The following GPC5 variants were observed in gnomAD, a reference collection of about 807,000 sequenced individuals.
The protein encoded by GPC5 is glypican-5.
GPC5 carries 47 observed loss-of-function variants against 53.9 expected under a neutral mutation model. That is an observed-to-expected ratio of 0.87 (90% CI 0.69 to 1.11). The LOEUF is 1.11. Among genes scored for constraint, GPC5 ranks in the 50% most tolerant of loss-of-function variants. The pLI, the probability that GPC5 is intolerant of heterozygous loss-of-function variation, is 0.00. For synonymous variants in GPC5, 286 were observed against 263.3 expected (o/e 1.09, Z -0.84); for missense variants, 748 against 713.1 (o/e 1.05, Z -0.56).
chr13:91,831,621 T>C (rs1171898378), intron 5 of GPC5, among the ~76,000 whole-genome samples: 2 of 151,930 alleles, frequency 1.3e-5, no homozygotes, highest in Non-Finnish European at 2.9e-5. Context: ...TTGCTAATTA[T>C]ATAGTGTTGG....
chr13:91,925,890 T>C (rs2139023970), intron 6 of GPC5, among the ~76,000 whole-genome samples: 1 of 152,246 alleles, frequency 6.6e-6, no homozygotes, highest in South Asian at 2.1e-4. Flanking sequence ...AATAAACTGG[T>C]TGAGATTACT....
chr13:92,659,724 T>G (rs143010936), intron 7 of GPC5, among the ~76,000 whole-genome samples: 6 of 152,324 alleles, frequency 3.9e-5, no homozygotes, highest in Non-Finnish European at 8.8e-5. Flanking sequence ...TGAAGCATAC[T>G]CTGATGGAAG....
intron 7 of GPC5, among the ~76,000 whole-genome samples, chr13:92,344,719 A>G (rs991385571): frequency 6.6e-6 from 1 of 152,176 alleles, no homozygotes; most frequent in African/African-American, 2.4e-5. Flanking sequence ...ACCTCCTGCC[A>G]GCACCAGAGG....
At chr13:91,650,758 T>G (rs1195402773) in intron 2 of GPC5, among the ~76,000 whole-genome samples, 2 of 149,344 alleles carry the variant, frequency 1.3e-5, no homozygotes, top group Non-Finnish European at 3.0e-5. Context: ...AAGTTTTTTT[T>G]TTTTTTTTTT....
At chr13:92,844,234 G>A (rs1409145007) in intron 7 of GPC5, among the ~76,000 whole-genome samples, 3 of 152,064 alleles carry the variant, frequency 2.0e-5, no homozygotes, top group Non-Finnish European at 4.4e-5. Context: ...GTAGAAAGGT[G>A]TTGTTTAGCT....
chr13:91,545,626 A>G (rs1316606176), intron 2 of GPC5, among the ~76,000 whole-genome samples: 1 of 152,110 alleles, frequency 6.6e-6, no homozygotes, highest in Non-Finnish European at 1.5e-5. Flanking sequence ...AGGTACAGTG[A>G]TGTACAGTAG....
chr13:92,199,971 T>C (rs189307294), intron 7 of GPC5, among the ~76,000 whole-genome samples: 14 of 152,290 alleles, frequency 9.2e-5, no homozygotes, highest in African/African-American at 2.6e-4. Context: ...ATTACCTGGA[T>C]TTTGTTAGTA....
intron 5 of GPC5, among the ~76,000 whole-genome samples, chr13:91,882,302 A>T (rs976160873): frequency 6.6e-6 from 1 of 152,098 alleles, no homozygotes; most frequent in Non-Finnish European, 1.5e-5. Context: ...ATACTGCTTC[A>T]CATATTCTTG....
intron 2 of GPC5, among the ~76,000 whole-genome samples, chr13:91,557,739 G>A (rs769162306): frequency 2.5e-4 from 38 of 152,004 alleles, no homozygotes; most frequent in Admixed American, 5.3e-4. Context: ...GTTATTAGTC[G>A]TCAGCCCAGT....
intron 7 of GPC5, among the ~76,000 whole-genome samples, chr13:92,150,649 G>A (rs2041900504): frequency 6.6e-6 from 1 of 151,938 alleles, no homozygotes; most frequent in African/African-American, 2.4e-5. Flanking sequence ...GTTTGTCCTT[G>A]AATGCCTAAG....
At chr13:92,408,198 A>C (rs2098352006) in intron 7 of GPC5, among the ~76,000 whole-genome samples, 1 of 152,172 alleles carries the variant, frequency 6.6e-6, no homozygotes, top group African/African-American at 2.4e-5. Context: ...TGCTCCTTAT[A>C]ATAATCTAAT....
intron 7 of GPC5, among the ~76,000 whole-genome samples, chr13:92,217,546 TC>T (rs2042419372): frequency 6.6e-6 from 1 of 152,148 alleles, no homozygotes; most frequent in Non-Finnish European, 1.5e-5. Flanking sequence ...TAGTCCCATC[TC>T]CAATCTGTGG....
At chr13:92,838,915 T>C (rs1273898765) in intron 7 of GPC5, among the ~76,000 whole-genome samples, 1 of 152,218 alleles carries the variant, frequency 6.6e-6, no homozygotes, top group East Asian at 1.9e-4. Context: ...CCATGAAGCT[T>C]ATACTTTAAA....
chr13:91,919,110 T>C (rs1219950877), intron 6 of GPC5, among the ~76,000 whole-genome samples: 3 of 152,202 alleles, frequency 2.0e-5, no homozygotes, highest in Non-Finnish European at 4.4e-5. Flanking sequence ...GCCTATTTCT[T>C]GGGTGTCATC....
At chr13:92,643,194 A>T (rs1286585776) in intron 7 of GPC5, among the ~76,000 whole-genome samples, 1 of 151,972 alleles carries the variant, frequency 6.6e-6, no homozygotes, top group Non-Finnish European at 1.5e-5. Context: ...CTCTGATGGT[A>T]GTTTCTTTTG....
chr13:91,589,753 T>A (rs1023609281), intron 2 of GPC5, among the ~76,000 whole-genome samples: 3 of 152,164 alleles, frequency 2.0e-5, no homozygotes, highest in Non-Finnish European at 4.4e-5. Context: ...GGTGGCCATG[T>A]GGCTAGAAAT....
At chr13:92,549,885 A>ACT (rs1491537361) in intron 7 of GPC5, among the ~76,000 whole-genome samples, 1 of 11,858 alleles carries the variant, frequency 8.4e-5, no homozygotes, top group Non-Finnish European at 2.1e-4. Flanking sequence ...ACACACACAT[A>ACT]CACACACACA....
At chr13:92,269,608 A>G (rs560946695) in intron 7 of GPC5, among the ~76,000 whole-genome samples, 16 of 152,084 alleles carry the variant, frequency 1.1e-4, no homozygotes, top group African/African-American at 3.6e-4. Context: ...GGATTTCACC[A>G]TGTTAGCCAG....
chr13:91,784,213 A>G (rs1027678622), intron 5 of GPC5, among the ~76,000 whole-genome samples: 2 of 152,248 alleles, frequency 1.3e-5, no homozygotes, highest in African/African-American at 4.8e-5. Flanking sequence ...TGTCATGTTC[A>G]TCTATTCAAA....
Sources: allele counts gnomAD v4.1 joint callset (sites outside exome capture counted in the v4.1 genomes callset), GRCh38; gene constraint gnomAD v4.1.1; transcripts MANE v1.5; gene names NCBI Gene and HGNC (gene_info 2026-07-23, HGNC 2026-07-21).